The following KIF5C variants were observed in gnomAD, a reference collection of about 807,000 sequenced individuals.
The protein encoded by KIF5C is kinesin family member 5C.
KIF5C carries 18 observed loss-of-function variants against 125.2 expected under a neutral mutation model. The ratio of observed to expected loss-of-function variants is 0.14; its 90% confidence interval spans 0.10 to 0.21. The LOEUF (loss-of-function observed/expected upper bound fraction) is 0.21. KIF5C is among the 10% of genes least tolerant of loss of function. The pLI is 1.00. For missense variants in KIF5C, 780 were observed against 1,183.8 expected (o/e 0.66, Z 5.01); for synonymous variants, 405 against 434.0 (o/e 0.93, Z 0.83).
chr2:148,876,012 C>T lies in KIF5C; in HGVS notation c.126+269C>T, dbSNP rs1681177965. The stretch of plus-strand genomic sequence containing the variant: ...CGGGCTCGGCGCCGCCATTGTTCGC[C>T]GGGTGGGGGCCCGGGTGGGCCCATT... On this transcript the variant is annotated intron_variant, in intron 1 of 25. Transcript: ENST00000435030. The surrounding 1 kb of genome is among the most constrained non-coding windows in gnomAD (Gnocchi z 4.7). Among the ~76,000 whole-genome samples the T allele has an allele frequency of 6.6e-6, 1 of 151,828 alleles. No homozygotes were observed. Among genetic ancestry groups the T allele is most frequent in the Non-Finnish European group, 1.5e-5 (1 of 67,926 alleles).
rs193259265 is a variant in KIF5C at position 149,003,831 on chromosome 2, A to G, written c.2374-1562A>G. On this transcript the variant is annotated intron_variant, in intron 21 of 25. Coordinates refer to ENST00000435030, the MANE Select transcript of KIF5C (RefSeq NM_004522.3). ...ACCCCAGGAGATGCCTGGGCCTTGG[A>G]CAAAGAACTGTTCTCATTCCCCTTT... Among the ~76,000 whole-genome samples, 39 of 152,334 alleles carry G rather than the reference A, an allele frequency of 2.6e-4. No homozygotes were observed. The East Asian group carries it at 5.2e-3, about 20-fold the overall frequency.
chr2:148,915,794 G>A (rs980316463), intron 1 of KIF5C, among the ~76,000 whole-genome samples: 2 of 152,198 alleles, frequency 1.3e-5, no homozygotes, highest in African/African-American at 2.4e-5. Context: ...GCAGGGAAGC[G>A]AAGGACCCAT....
rs1574847221 is a variant in KIF5C, at chr2:149,025,481, T to C, written c.*2411T>C. The C allele has an allele frequency of 1.3e-5, 2 of 152,732 alleles. No individual in the cohort carries two copies. Among genetic ancestry groups the C allele is most frequent in the African/African-American group, 4.8e-5 (2 of 41,588 alleles). 9.5% of individuals were successfully genotyped at this position (152,732 alleles called of 1,614,324 possible). A position where few individuals can be genotyped will look rare whatever the true frequency, so the allele number is the denominator to read the frequency against. ...GGCCACTTTCTAAAAAAGCCACATA[T>C]GTGCAATTTTCAGGTTTTTAGACTA... On this transcript the variant is annotated 3_prime_UTR_variant, in exon 26 of 26. Transcript: ENST00000435030.
rs946182043 is a variant in KIF5C at position 148,998,554 on chromosome 2, C to G, written c.2210+45C>G. The G allele has an allele frequency of 1.9e-6, 3 of 1,549,394 alleles. No homozygotes were observed. The South Asian group carries it at 3.6e-5, about 18-fold the overall frequency. On this transcript the variant is annotated intron_variant, in intron 19 of 25. Transcript: ENST00000435030. ...CAGGGGTGTGGGGGTGGTCATGCCTCGGTCCTCTTGGGGAAGCCTGGAAGG... is the reference window on the plus strand; with the variant it reads ...CAGGGGTGTGGGGGTGGTCATGCCTGGGTCCTCTTGGGGAAGCCTGGAAGG...
chr2:148,909,728 C>T (rs188139220), intron 1 of KIF5C, among the ~76,000 whole-genome samples: 1 of 152,266 alleles, frequency 6.6e-6, no homozygotes, highest in African/African-American at 2.4e-5. Context: ...AGGAAAATAA[C>T]GTTTCTCTGC....
intron 1 of KIF5C, among the ~76,000 whole-genome samples, chr2:148,880,909 G>A (rs1681329598): frequency 6.6e-6 from 1 of 151,122 alleles, no homozygotes; most frequent in South Asian, 2.1e-4. Context: ...AGCAGGAAGG[G>A]TGAGACAAAA....
chr2:148,891,585 C>G (rs1681709153), intron 1 of KIF5C, among the ~76,000 whole-genome samples: 2 of 152,294 alleles, frequency 1.3e-5, no homozygotes, highest in African/African-American at 4.8e-5. Flanking sequence ...CTTACACCAA[C>G]AAAGTCATAT....
intron 1 of KIF5C, among the ~76,000 whole-genome samples, chr2:148,907,536 T>C (rs1388166829): frequency 6.6e-6 from 1 of 152,206 alleles, no homozygotes; most frequent in Non-Finnish European, 1.5e-5. Flanking sequence ...CTGGGTATAT[T>C]GGATCATGGA....
rs369923014 is a variant in KIF5C, at chr2:148,962,129, A to T, written c.1117+10A>T. On this transcript the variant is annotated intron_variant, in intron 11 of 25. Transcript: ENST00000435030. ...AACAGGTGGAGGAATGGTAAGGAAA[A>T]GTAAGGAGGAAGAGTGAGGCATGAG... 2.5e-6 allele frequency: 4 copies of T among 1,595,328 alleles called. No individual in the cohort carries two copies. In the African/African-American group the frequency reaches 5.4e-5, roughly 22 times the overall value.
intron 3 of KIF5C, among the ~76,000 whole-genome samples, chr2:148,930,131 C>G (rs1324397936): frequency 6.6e-6 from 1 of 152,196 alleles, no homozygotes; most frequent in Non-Finnish European, 1.5e-5. Context: ...TCACACCCAG[C>G]CCACTTCATG....
At chr2:149,002,194 A>G (rs1681870261) in intron 21 of KIF5C, among the ~76,000 whole-genome samples, 1 of 152,264 alleles carries the variant, frequency 6.6e-6, no homozygotes, top group Admixed American at 6.5e-5. Context: ...AAATTTCACT[A>G]TATTTCTACC....
chr2:148,875,594 G>GGCCCCCCCCCC lies in KIF5C; in HGVS notation c.-24_-23insGCCCCCCCCCC. 1 of 550,748 alleles carries GGCCCCCCCCCC rather than the reference G, an allele frequency of 1.8e-6. No individual in the cohort carries two copies. The highest frequency in any genetic ancestry group is 3.3e-6 in the Non-Finnish European group (1 of 307,514). 34.1% of individuals were successfully genotyped at this position (550,748 alleles called of 1,614,324 possible). On this transcript the variant is annotated 5_prime_UTR_variant, in exon 1 of 26. Transcript: ENST00000435030. ...GCCCCGGCCCCCCACCCATCCCCGT[G>GGCCCCCCCCCC]CCCCCTCCCTACCGCCGGCCGAGAT...
chr2:148,966,859 A>G lies in KIF5C; in HGVS notation c.1117+4740A>G, dbSNP rs114789184. ...CTATGTAAGACTATAATGAGATGCC[A>G]TCTGCAAACCCCGAAGAGGGCCCTT... On this transcript the variant is annotated intron_variant, in intron 11 of 25. Coordinates refer to ENST00000435030, the MANE Select transcript of KIF5C (RefSeq NM_004522.3). 6.7e-4 allele frequency among the ~76,000 whole-genome samples: 102 copies of G among 152,284 alleles called. 1 individual carries two copies. The highest frequency in any genetic ancestry group is 1.8e-3 in the African/African-American group (76 of 41,550).
At chr2:148,938,189 A>T (rs535079181) in intron 4 of KIF5C, among the ~76,000 whole-genome samples, 3 of 152,198 alleles carry the variant, frequency 2.0e-5, no homozygotes, top group Non-Finnish European at 4.4e-5. Context: ...ATTGTTTATA[A>T]GATACAGAAT....
chr2:148,935,706 G>GA (rs1327348835), intron 3 of KIF5C, among the ~76,000 whole-genome samples: 12 of 152,172 alleles, frequency 7.9e-5, no homozygotes, highest in Admixed American at 5.2e-4. Context: ...ATTTCTTCGT[G>GA]AAAACCTGCT....
intron 21 of KIF5C, among the ~76,000 whole-genome samples, chr2:149,000,989 C>A (rs1224789172): frequency 2.0e-5 from 3 of 152,214 alleles, no homozygotes; most frequent in African/African-American, 7.2e-5. Context: ...AGAGCAGTAA[C>A]CTGGAGCCCC....
Position 149,024,019 on chromosome 2 carries a change from G to A in KIF5C, c.*949G>A, listed in dbSNP as rs992580818. 4 of 152,122 alleles carry A rather than the reference G, an allele frequency of 2.6e-5. No homozygotes were observed. Among genetic ancestry groups the A allele is most frequent in the East Asian group, 1.9e-4 (1 of 5,184 alleles). 9.4% of individuals were successfully genotyped at this position (152,122 alleles called of 1,614,324 possible). ...CCAGCAGTTGAAAAAGGAAGCCTTCGGGAGAAAGTGCTTGTCAAAATTTTG... is the reference window on the plus strand; with the variant it reads ...CCAGCAGTTGAAAAAGGAAGCCTTCAGGAGAAAGTGCTTGTCAAAATTTTG... On this transcript the variant is annotated 3_prime_UTR_variant, in exon 26 of 26. Coordinates refer to ENST00000435030, the MANE Select transcript of KIF5C (RefSeq NM_004522.3).
rs913243255 is a variant in KIF5C at position 148,998,433 on chromosome 2, G to A, written c.2134G>A (p.Glu712Lys). ...GGAGCAGCAGATGGAGAGCCACCGG[G>A]AAGCTCACCAGAAGCAGCTGTCCAG... The part of the protein sequence containing the change: ...ALEQQMESHR[E>K]AHQKQLSRLR... The change falls in exon 19 of 26, where the codon GAA (glutamate) becomes AAA (lysine). Residue 712 changes from glutamate (E) to lysine (K), a missense_variant. Glu to Lys is a moderately conservative substitution (Grantham distance 56, BLOSUM62 1). Transcript: ENST00000435030. The A allele has an allele frequency of 2.6e-6, 4 of 1,567,148 alleles. No homozygotes were observed. Among genetic ancestry groups the A allele is most frequent in the Admixed American group, 3.8e-5 (2 of 52,446 alleles).
At chr2:148,992,605 C>A (rs926215446) in intron 16 of KIF5C, among the ~76,000 whole-genome samples, 1 of 152,044 alleles carries the variant, frequency 6.6e-6, no homozygotes, top group Non-Finnish European at 1.5e-5. Flanking sequence ...AAAAACCTAG[C>A]CATTGGGAAA....
Sources: gnomAD v4.1 joint callset for allele counts (sites outside exome capture counted in the v4.1 genomes callset) on GRCh38, gnomAD v4.1.1 for gene constraint, Gnocchi (gnomAD v3.1) non-coding constraint, MANE v1.5 for transcripts, NCBI Gene and HGNC (gene_info 2026-07-23, HGNC 2026-07-21) for gene names.